The following THSD7A variants were observed in gnomAD, a reference collection of about 807,000 sequenced individuals.
The protein encoded by THSD7A is thrombospondin type 1 domain containing 7A.
THSD7A carries 96 observed loss-of-function variants against 231.3 expected under a neutral mutation model. The observed-to-expected ratio is 0.41, with a 90% CI of 0.35 to 0.49. The LOEUF is 0.49. Ranked by LOEUF, THSD7A falls within the 20% of genes least tolerant of loss-of-function variation. THSD7A has a pLI of 0.05. For missense variants in THSD7A, 2,290 were observed against 2,070.2 expected (o/e 1.11, Z -2.06); for synonymous variants, 940 against 743.3 (o/e 1.26, Z -4.30).
At chr7:11,502,641 C>T (rs1161149525) in intron 6 of THSD7A, among the ~76,000 whole-genome samples, 1 of 151,986 alleles carries the variant, frequency 6.6e-6, no homozygotes, top group Non-Finnish European at 1.5e-5. Flanking sequence ...ACAAAAATCA[C>T]CAGCATTCCT....
intron 1 of THSD7A, chr7:11,821,118 T>A: frequency 9.5e-7 from 1 of 1,054,222 alleles, no homozygotes; most frequent in Non-Finnish European, 1.5e-6. Flanking sequence ...TGGCTGCCTC[T>A]TGCTCAGTTC....
intron 4 of THSD7A, among the ~76,000 whole-genome samples, chr7:11,544,433 T>G (rs553659235): frequency 1.1e-4 from 17 of 152,326 alleles, no homozygotes; most frequent in African/African-American, 4.1e-4. Context: ...GAGCCCACAC[T>G]TGCAGAAAAA....
intron 4 of THSD7A, among the ~76,000 whole-genome samples, chr7:11,566,295 G>C (rs1790320742): frequency 6.6e-6 from 1 of 152,222 alleles, no homozygotes; most frequent in African/African-American, 2.4e-5. Context: ...CATTACTGGG[G>C]TTTGGGGAGA....
intron 1 of THSD7A, among the ~76,000 whole-genome samples, chr7:11,796,351 A>G (rs1784126705): frequency 6.6e-6 from 1 of 151,838 alleles, no homozygotes; most frequent in Non-Finnish European, 1.5e-5. Flanking sequence ...TTTGAAAAAA[A>G]AAGGATACTG....
chr7:11,407,491 C>T, intron 19 of THSD7A, 68 bp from the exon 20 acceptor site: 1 of 1,198,038 alleles, frequency 8.3e-7, no homozygotes, highest in South Asian at 1.3e-5. Context: ...AATGAGGTGA[C>T]AAGAAAGAAG....
intron 4 of THSD7A, among the ~76,000 whole-genome samples, chr7:11,580,931 C>G (rs1791132461): frequency 6.6e-6 from 1 of 152,084 alleles, no homozygotes; most frequent in African/African-American, 2.4e-5. Flanking sequence ...ATTATATCTT[C>G]AACATCTAAA....
At chr7:11,538,413 A>G (rs1392522513) in intron 6 of THSD7A, among the ~76,000 whole-genome samples, 2 of 152,198 alleles carry the variant, frequency 1.3e-5, no homozygotes, top group African/African-American at 4.8e-5. Context: ...AGTAAGGAAT[A>G]ATACTTTTTT....
At chr7:11,696,179 G>A (rs1335128043) in intron 1 of THSD7A, among the ~76,000 whole-genome samples, 2 of 151,448 alleles carry the variant, frequency 1.3e-5, no homozygotes, top group Middle Eastern at 3.4e-3. Context: ...TACTGTGTAG[G>A]GCAAAGCTCT....
intron 6 of THSD7A, among the ~76,000 whole-genome samples, chr7:11,515,713 TA>T (rs1170959227): frequency 6.6e-6 from 1 of 152,132 alleles, no homozygotes; most frequent in African/African-American, 2.4e-5. Flanking sequence ...TGTTTTATAG[TA>T]AGTGGCAGAA....
In THSD7A at chr7:11,400,152, G is replaced by A. The variant is rs144205672; in HGVS notation, c.4411+1643C>T. Reference sequence around the variant, plus strand: ...CAGGAAGGGGAACATCACACACTGCGGCCTGTTATGGGGTCGGGGGAGGGG... The same window carrying A: ...CAGGAAGGGGAACATCACACACTGCAGCCTGTTATGGGGTCGGGGGAGGGG... On this transcript the variant is annotated intron_variant, in intron 23 of 27. Coordinates refer to ENST00000423059, the MANE Select transcript of THSD7A (RefSeq NM_015204.3). Among the ~76,000 whole-genome samples, 1,076 of 134,170 alleles carry A rather than the reference G, an allele frequency of 8.0e-3. 7 individuals carry two copies. The highest frequency in any genetic ancestry group is 0.013 in the Non-Finnish European group (831 of 64,030). 88.0% of individuals were successfully genotyped at this position (134,170 alleles called of 152,430 possible). A position where few individuals can be genotyped will look rare whatever the true frequency, so the allele number is the denominator to read the frequency against.
intron 1 of THSD7A, among the ~76,000 whole-genome samples, chr7:11,761,570 C>T (rs1345608504): frequency 5.3e-5 from 8 of 151,818 alleles, no homozygotes; most frequent in Non-Finnish European, 8.8e-5. Context: ...ATAGTGTTTT[C>T]AAGAGGAGGC....
intron 1 of THSD7A, among the ~76,000 whole-genome samples, chr7:11,760,461 C>T (rs1782818417): frequency 6.6e-6 from 1 of 151,994 alleles, no homozygotes; most frequent in African/African-American, 2.4e-5. Context: ...TGTGAATGTT[C>T]CTCATTATGT....
intron 1 of THSD7A, among the ~76,000 whole-genome samples, chr7:11,697,980 G>T (rs149292496): frequency 6.6e-6 from 1 of 151,322 alleles, no homozygotes; most frequent in East Asian, 2.0e-4. Flanking sequence ...TTAGTCATAC[G>T]AATGCCCCAG....
Position 11,446,063 on chromosome 7 carries a change from T to C in THSD7A, c.3062A>G (p.His1021Arg). 6.2e-7 allele frequency: 1 copy of C among 1,613,220 alleles called. No homozygotes were observed. The highest frequency in any genetic ancestry group is 8.5e-7 in the Non-Finnish European group (1 of 1,179,420). ...RLVETSRCNS[H>R]GYIEEACIIP... Reference sequence around the variant, plus strand: ...TGTAACAATGAAGATTGAATTACCATGGCTGTTACATCTAGATGTTTCCAC... The same window carrying C: ...TGTAACAATGAAGATTGAATTACCACGGCTGTTACATCTAGATGTTTCCAC... Residue 1021 changes from histidine (H) to arginine (R), a missense_variant and splice_region_variant, in exon 13 of 28, where the codon CAT becomes CGT. His to Arg is a conservative substitution (Grantham distance 29, BLOSUM62 0). Transcript: ENST00000423059. The surrounding 1 kb of genome is among the most constrained non-coding windows in gnomAD (Gnocchi z 4.0).
chr7:11,661,225 G>C (rs1584166287), intron 1 of THSD7A, among the ~76,000 whole-genome samples: 1 of 151,408 alleles, frequency 6.6e-6, no homozygotes, highest in African/African-American at 2.4e-5. Context: ...TTTCAGATTA[G>C]GTTAAGGTGA....
chr7:11,397,127 T>C (rs1376093200), intron 23 of THSD7A, among the ~76,000 whole-genome samples: 1 of 152,090 alleles, frequency 6.6e-6, no homozygotes. Flanking sequence ...TGATGGAACA[T>C]ATCTCAAAAT....
chr7:11,775,102 T>C (rs890781441), intron 1 of THSD7A, among the ~76,000 whole-genome samples: 1 of 151,836 alleles, frequency 6.6e-6, no homozygotes, highest in Non-Finnish European at 1.5e-5. Flanking sequence ...AAAATTTAAG[T>C]AAAAGATTAT....
intron 4 of THSD7A, among the ~76,000 whole-genome samples, chr7:11,565,074 A>C (rs1790250108): frequency 6.6e-6 from 1 of 152,208 alleles, no homozygotes; most frequent in African/African-American, 2.4e-5. Flanking sequence ...CATGTTGTAG[A>C]ATAGTGTACA....
At chr7:11,616,525 G>A (rs1292291548) in intron 2 of THSD7A, among the ~76,000 whole-genome samples, 1 of 151,864 alleles carries the variant, frequency 6.6e-6, no homozygotes, top group Non-Finnish European at 1.5e-5. Flanking sequence ...CACAGTCCAA[G>A]AATAATTTAA....
Sources: gnomAD v4.1 joint callset for allele counts (sites outside exome capture counted in the v4.1 genomes callset) on GRCh38, gnomAD v4.1.1 for gene constraint, Gnocchi (gnomAD v3.1) non-coding constraint, MANE v1.5 for transcripts, NCBI Gene and HGNC (gene_info 2026-07-23, HGNC 2026-07-21) for gene names.